The following SGK1 variants were observed in gnomAD, a reference collection of about 807,000 sequenced individuals.
SGK1 encodes the protein serine/threonine-protein kinase Sgk1.
Under a neutral mutation model 64.2 loss-of-function variants are expected in SGK1, and 26 were observed. The observed-to-expected ratio is 0.40, with a 90% CI of 0.30 to 0.56. The LOEUF (loss-of-function observed/expected upper bound fraction) is 0.56, where lower values mean the gene tolerates loss of function less well. SGK1 is among the 20% of genes least tolerant of loss of function. SGK1 has a pLI of 0.38. For synonymous variants in SGK1, 265 were observed against 239.7 expected (o/e 1.11, Z -0.98); for missense variants, 519 against 645.6 (o/e 0.80, Z 2.12).
rs762251415 is a variant in SGK1 at position 134,232,421 on chromosome 6, A to AAGAGAGAGAGAGAGAGAG, written c.286-24991_286-24990insCTCTCTCTCTCTCTCTCT. On this transcript the variant is annotated intron_variant, in intron 2 of 13. Coordinates refer to ENST00000367858, the MANE Select transcript of SGK1 (RefSeq NM_001143676.3). The stretch of plus-strand genomic sequence containing the variant: ...GAAGAAAAAGAAAGAAAGAGAAAGA[A>AAGAGAGAGAGAGAGAGAG]AGAAAGAAAGAAAGAAAGAAAGAAA... 6.3e-4 allele frequency among the ~76,000 whole-genome samples: 28 copies of AAGAGAGAGAGAGAGAGAG among 44,438 alleles called. 1 individual carries two copies. The highest frequency in any genetic ancestry group is 1.4e-3 in the Admixed American group (6 of 4,440). The allele number at this position is 44,438 out of a possible 152,430, so 29.2% of individuals were successfully genotyped here.
chr6:134,172,168 G>A (rs1384561200), intron 10 of SGK1, 25 bp downstream of exon 10: 8 of 1,609,664 alleles, frequency 5.0e-6, no homozygotes, highest in Non-Finnish European at 6.8e-6. Flanking sequence ...GGGTAAACCA[G>A]GCACCAAACC....
chr6:134,287,774 G>A (rs187070799), intron 1 of SGK1, among the ~76,000 whole-genome samples: 6 of 152,100 alleles, frequency 3.9e-5, no homozygotes, highest in African/African-American at 1.4e-4. Flanking sequence ...ATGTATTAGA[G>A]TTTTTTTATG....
chr6:134,279,151 G>T (rs1416748636), intron 1 of SGK1, among the ~76,000 whole-genome samples: 1 of 152,188 alleles, frequency 6.6e-6, no homozygotes, highest in Non-Finnish European at 1.5e-5. Flanking sequence ...AAGGTTACTG[G>T]CTGGGAGCAG....
chr6:134,300,990 T>C (rs901169378), intron 1 of SGK1, among the ~76,000 whole-genome samples: 1 of 152,090 alleles, frequency 6.6e-6, no homozygotes, highest in African/African-American at 2.4e-5. Context: ...TGCACTGACG[T>C]TGGGAGAAAA....
At chr6:134,301,556 CT>C (rs1173798806) in intron 1 of SGK1, among the ~76,000 whole-genome samples, 25 of 80,218 alleles carry the variant, frequency 3.1e-4, no homozygotes, top group Non-Finnish European at 4.7e-4. Context: ...CTCTTCTCTT[CT>C]CTTCTCTTCT....
chr6:134,214,458 G>T (rs947435696), intron 2 of SGK1, among the ~76,000 whole-genome samples: 1 of 152,092 alleles, frequency 6.6e-6, no homozygotes, highest in Admixed American at 6.6e-5. Context: ...GGGTGTGGTG[G>T]CGCATGCCTA....
intron 1 of SGK1, chr6:134,298,195 A>G: frequency 2.6e-6 from 4 of 1,527,138 alleles, no homozygotes; most frequent in Non-Finnish European, 2.7e-6. Flanking sequence ...CAGCCCCTGC[A>G]TGTTGCCAAG....
intron 2 of SGK1, chr6:134,218,814 G>A (rs1170996048): frequency 6.6e-6 from 1 of 152,212 alleles, no homozygotes; most frequent in East Asian, 1.9e-4. Flanking sequence ...AAGGAGTGAG[G>A]CGATAAGTGG....
chr6:134,297,796 C>A (rs9389155), intron 1 of SGK1: 1 of 593,176 alleles, frequency 1.7e-6, no homozygotes, highest in Non-Finnish European at 3.1e-6. Flanking sequence ...CCACTGCGCC[C>A]GGCCTAGATC....
chr6:134,256,264 A>G (rs1485190089), intron 2 of SGK1, among the ~76,000 whole-genome samples: 2 of 152,092 alleles, frequency 1.3e-5, no homozygotes, highest in Non-Finnish European at 2.9e-5. Context: ...CATCAAACTT[A>G]TCATCCTACC....
chr6:134,314,048 T>C (rs1777642973), intron 1 of SGK1, among the ~76,000 whole-genome samples: 1 of 152,244 alleles, frequency 6.6e-6, no homozygotes, highest in Non-Finnish European at 1.5e-5. Flanking sequence ...AATGCTAATT[T>C]ATCATGAACA....
chr6:134,174,766 G>GT, intron 3 of SGK1, 180 bp from the exon 4 acceptor site: 1 of 1,614,232 alleles, frequency 6.2e-7, no homozygotes, highest in Non-Finnish European at 8.5e-7. Context: ...TCATCCTGGA[G>GT]TAAGTGAGGG....
chr6:134,279,129 ACT>A (rs1777057520), intron 1 of SGK1, among the ~76,000 whole-genome samples: 1 of 152,114 alleles, frequency 6.6e-6, no homozygotes, highest in South Asian at 2.1e-4. Flanking sequence ...GATCACTTAA[ACT>A]CAGAAGTTCA....
chr6:134,224,653 T>C (rs1387336747), intron 2 of SGK1, among the ~76,000 whole-genome samples: 2 of 152,208 alleles, frequency 1.3e-5, no homozygotes, highest in Admixed American at 1.3e-4. Context: ...TACTGCAATA[T>C]ACTGCAAGTG....
intron 2 of SGK1, among the ~76,000 whole-genome samples, chr6:134,244,147 GGT>G (rs1776489873): frequency 6.6e-6 from 1 of 150,920 alleles, no homozygotes; most frequent in Non-Finnish European, 1.5e-5. Context: ...GACAGGCCCT[GGT>G]GTGTGATGTT....
chr6:134,207,026 C>T (rs1315808965), intron 3 of SGK1, among the ~76,000 whole-genome samples: 1 of 151,984 alleles, frequency 6.6e-6, no homozygotes, highest in East Asian at 1.9e-4. Flanking sequence ...GAGATCGAGA[C>T]CATCCTGGCT....
chr6:134,184,002 A>G (rs1406016705), intron 3 of SGK1, among the ~76,000 whole-genome samples: 1 of 152,138 alleles, frequency 6.6e-6, no homozygotes, highest in East Asian at 1.9e-4. Flanking sequence ...TTCTCTAATC[A>G]GGTCGCTGCC....
chr6:134,217,752 C>T (rs1427305199), intron 2 of SGK1, among the ~76,000 whole-genome samples: 1 of 152,176 alleles, frequency 6.6e-6, no homozygotes, highest in Non-Finnish European at 1.5e-5. Context: ...TATCCTTCTT[C>T]AATTGCTTAA....
chr6:134,175,977 A>T, intron 3 of SGK1: 1 of 1,120,090 alleles, frequency 8.9e-7, no homozygotes, highest in Non-Finnish European at 1.1e-6. Context: ...CACTAAAGGA[A>T]GAAGTACAAT....
Sources: gnomAD v4.1 joint callset for allele counts (sites outside exome capture counted in the v4.1 genomes callset) on GRCh38, gnomAD v4.1.1 for gene constraint, MANE v1.5 for transcripts, NCBI Gene and HGNC (gene_info 2026-07-23, HGNC 2026-07-21) for gene names.